The following AKAP6 variants were observed in gnomAD, a reference collection of about 807,000 sequenced individuals.
AKAP6 encodes A-kinase anchoring protein 6, also known as A-kinase anchor protein 6.
AKAP6 carries 58 observed loss-of-function variants against 188.5 expected under a neutral mutation model. That is an observed-to-expected ratio of 0.31 (90% CI 0.25 to 0.38). The LOEUF is 0.38. Among genes scored for constraint, AKAP6 ranks in the 10% least tolerant of loss-of-function variants. The pLI is 1.00. For synonymous variants in AKAP6, 989 were observed against 998.6 expected (o/e 0.99, Z 0.18); for missense variants, 2,710 against 2,740.0 (o/e 0.99, Z 0.24).
In AKAP6 at chr14:32,565,492, A is replaced by G. The variant is rs558394405; in HGVS notation, c.2347-11628A>G. 2.6e-5 allele frequency among the ~76,000 whole-genome samples: 4 copies of G among 152,306 alleles called. 1 individual carries two copies. The South Asian group carries it at 8.3e-4, about 32-fold the overall frequency. ...CTCTATAACCTAGCAGGTTCTGCCC[A>G]TGTCCACTGAGCTGCTTTAGTTTAG... On this transcript the variant is annotated intron_variant, in intron 4 of 13. Coordinates refer to ENST00000280979, the MANE Select transcript of AKAP6 (RefSeq NM_004274.5).
At chr14:32,440,366 A>T (rs535200394) in intron 2 of AKAP6, among the ~76,000 whole-genome samples, 2 of 152,086 alleles carry the variant, frequency 1.3e-5, no homozygotes, top group East Asian at 3.9e-4. Flanking sequence ...GCATTAGGAG[A>T]TATACCTAGT....
At chr14:32,455,833 C>A (rs1352829151) in intron 2 of AKAP6, among the ~76,000 whole-genome samples, 1 of 152,142 alleles carries the variant, frequency 6.6e-6, no homozygotes, top group African/African-American at 2.4e-5. Flanking sequence ...CTGCCCCCAA[C>A]CTACTTTGGA....
intron 7 of AKAP6, among the ~76,000 whole-genome samples, chr14:32,615,975 A>T (rs1886561508): frequency 6.6e-6 from 1 of 152,138 alleles, no homozygotes; most frequent in Admixed American, 6.5e-5. Context: ...AATTATTCTC[A>T]TCAATGTTCC....
At chr14:32,746,011 C>T (rs1025971332) in intron 11 of AKAP6, among the ~76,000 whole-genome samples, 1 of 152,118 alleles carries the variant, frequency 6.6e-6, no homozygotes, top group Non-Finnish European at 1.5e-5. Context: ...TTCAAGGGCT[C>T]TTATGTCAGC....
intron 5 of AKAP6, among the ~76,000 whole-genome samples, chr14:32,597,133 A>G (rs1315738586): frequency 4.6e-5 from 7 of 152,202 alleles, no homozygotes; most frequent in Admixed American, 1.3e-4. Flanking sequence ...GTCATCTTGA[A>G]GCAGAGCCAG....
chr14:32,585,069 CTTAGAA>C (rs1885172544), intron 5 of AKAP6, among the ~76,000 whole-genome samples: 1 of 150,916 alleles, frequency 6.6e-6, no homozygotes, highest in South Asian at 2.1e-4. Context: ...TTATAGTATC[CTTAGAA>C]TTAAGAGTAA....
chr14:32,834,766 T>G lies in AKAP6; in HGVS notation c.*4961T>G, dbSNP rs116971994. 1 of 152,212 alleles carries G rather than the reference T, an allele frequency of 6.6e-6. No homozygotes were observed. Among genetic ancestry groups the G allele is most frequent in the East Asian group, 1.9e-4 (1 of 5,172 alleles). The allele number at this position is 152,212 out of a possible 1,614,324, so 9.4% of individuals were successfully genotyped here. The stretch of plus-strand genomic sequence containing the variant: ...TTCACAGCCACTCTTTAATGAAGAT[T>G]GATTGAATAACTGACATTCCTGATA... On this transcript the variant is annotated 3_prime_UTR_variant, in exon 14 of 14. Transcript: ENST00000280979.
chr14:32,562,969 G>A (rs537893999), intron 4 of AKAP6, among the ~76,000 whole-genome samples: 45 of 152,076 alleles, frequency 3.0e-4, no homozygotes, highest in Admixed American at 8.5e-4. Flanking sequence ...ATAGGATGTA[G>A]GGTCCATGAA....
At chr14:32,489,840 G>A (rs528864896) in intron 2 of AKAP6, among the ~76,000 whole-genome samples, 4 of 152,298 alleles carry the variant, frequency 2.6e-5, no homozygotes, top group Admixed American at 2.0e-4. Flanking sequence ...TGTGTCTCAC[G>A]TGTCCGTGTG....
At chr14:32,561,654 C>T (rs1000752201) in intron 4 of AKAP6, among the ~76,000 whole-genome samples, 2 of 152,194 alleles carry the variant, frequency 1.3e-5, no homozygotes, top group Non-Finnish European at 2.9e-5. Context: ...ATTCATGCTG[C>T]ATTCCTAGCA....
intron 4 of AKAP6, among the ~76,000 whole-genome samples, chr14:32,567,159 G>A (rs561975297): frequency 1.2e-3 from 184 of 152,258 alleles, no homozygotes; most frequent in African/African-American, 4.1e-3. Context: ...GGACTCAAAT[G>A]ATCCTCCTGC....
At chr14:32,789,560 G>T (rs1357121456) in intron 12 of AKAP6, among the ~76,000 whole-genome samples, 1 of 152,262 alleles carries the variant, frequency 6.6e-6, no homozygotes. Context: ...GCCTTCACTG[G>T]TGAAACCTCC....
chr14:32,420,753 A>G (rs1227313126), intron 1 of AKAP6, among the ~76,000 whole-genome samples: 1 of 152,026 alleles, frequency 6.6e-6, no homozygotes, highest in Non-Finnish European at 1.5e-5. Flanking sequence ...CTTGCCTAGT[A>G]TACCGCCGCC....
intron 7 of AKAP6, among the ~76,000 whole-genome samples, chr14:32,677,196 C>T (rs1889467236): frequency 1.3e-5 from 2 of 152,110 alleles, no homozygotes; most frequent in Admixed American, 1.3e-4. Flanking sequence ...AAGCAGCTGC[C>T]ACTTTATAAT....
chr14:32,706,149 T>TC (rs1369812832), intron 9 of AKAP6, among the ~76,000 whole-genome samples: 1 of 152,196 alleles, frequency 6.6e-6, no homozygotes, highest in Non-Finnish European at 1.5e-5. Context: ...GGTCTTTTGC[T>TC]CGCCTGCTCA....
intron 7 of AKAP6, among the ~76,000 whole-genome samples, chr14:32,647,108 G>C (rs973343422): frequency 9.2e-5 from 14 of 152,094 alleles, no homozygotes; most frequent in African/African-American, 3.4e-4. Context: ...ATCTTGACAA[G>C]TGCATGCTGT....
chr14:32,706,452 A>T (rs573075998), intron 9 of AKAP6, among the ~76,000 whole-genome samples: 103 of 152,156 alleles, frequency 6.8e-4, no homozygotes, highest in African/African-American at 2.4e-3. Context: ...GAAAACATTT[A>T]TGCTTTTTGG....
At chr14:32,781,309 T>C (rs1353255415) in intron 12 of AKAP6, among the ~76,000 whole-genome samples, 1 of 150,912 alleles carries the variant, frequency 6.6e-6, no homozygotes, top group Non-Finnish European at 1.5e-5. Flanking sequence ...GATCGCGCCA[T>C]TGCACTCCAG....
chr14:32,488,020 A>G (rs544872079), intron 2 of AKAP6, among the ~76,000 whole-genome samples: 1 of 152,202 alleles, frequency 6.6e-6, no homozygotes, highest in Non-Finnish European at 1.5e-5. Flanking sequence ...GACCCACTTG[A>G]GGAGGCAGTC....
Sources: allele counts gnomAD v4.1 joint callset (sites outside exome capture counted in the v4.1 genomes callset), GRCh38; gene constraint gnomAD v4.1.1; transcripts MANE v1.5; gene names NCBI Gene and HGNC (gene_info 2026-07-23, HGNC 2026-07-21).